Variants in HSF2BP observed in about 807,000 individuals in gnomAD.
HSF2BP encodes the protein heat shock factor 2-binding protein.
Under a neutral mutation model 35.0 loss-of-function variants are expected in HSF2BP, and 35 were observed. That is an observed-to-expected ratio of 1.00 (90% confidence interval 0.76 to 1.32). The LOEUF is 1.32. Ranked by LOEUF, HSF2BP falls within the 40% of genes most tolerant of loss-of-function variation. The pLI is 0.00. For missense variants in HSF2BP, 326 were observed against 321.7 expected (o/e 1.01, Z -0.10); for synonymous variants, 114 against 117.4 (o/e 0.97, Z 0.18).
At chr21:43,582,152 G>A (rs1299349965) in intron 8 of HSF2BP, among the ~76,000 whole-genome samples, 3 of 101,910 alleles carry the variant, frequency 2.9e-5, no homozygotes, top group South Asian at 4.0e-4. Flanking sequence ...CTGCTGTGGG[G>A]AATGAGGCCC....
chr21:43,584,961 C>T (rs1452029485), intron 8 of HSF2BP, among the ~76,000 whole-genome samples: 1 of 151,008 alleles, frequency 6.6e-6, no homozygotes, highest in Non-Finnish European at 1.5e-5. Flanking sequence ...CCCACTTTCA[C>T]TTGACTTTCA....
At chr21:43,624,525 G>A (rs564401060) in intron 6 of HSF2BP, among the ~76,000 whole-genome samples, 7 of 152,270 alleles carry the variant, frequency 4.6e-5, no homozygotes, top group South Asian at 2.1e-4. Context: ...TGGTGTGAGC[G>A]TGTGGAGGAG....
At chr21:43,644,241 C>T in intron 4 of HSF2BP, 48 bp downstream of exon 4, 1 of 1,407,970 alleles carries the variant, frequency 7.1e-7, no homozygotes, top group Non-Finnish European at 1.0e-6. Context: ...AGGCTGTAAG[C>T]CAGCCCCACT....
At chr21:43,614,029 C>G (rs1266751062) in intron 6 of HSF2BP, 82 bp from the exon 7 acceptor site, 21 of 937,070 alleles carry the variant, frequency 2.2e-5, no homozygotes, top group Non-Finnish European at 3.2e-5. Context: ...AGTATTTTCT[C>G]CTAAAAGACC....
At chr21:43,574,740 G>A (rs1465364975) in intron 8 of HSF2BP, among the ~76,000 whole-genome samples, 2 of 152,164 alleles carry the variant, frequency 1.3e-5, no homozygotes, top group African/African-American at 4.8e-5. Flanking sequence ...AGACCACAGG[G>A]CACACAGGGC....
chr21:43,579,263 T>C (rs978966409), intron 8 of HSF2BP, among the ~76,000 whole-genome samples: 1 of 152,242 alleles, frequency 6.6e-6, no homozygotes, highest in African/African-American at 2.4e-5. Flanking sequence ...AATGAGTTAA[T>C]GAAGAACATT....
Position 43,598,932 on chromosome 21 carries a change from C to G in HSF2BP, c.693-6604G>C, listed in dbSNP as rs540276383. Among the ~76,000 whole-genome samples the G allele has an allele frequency of 4.6e-5, 7 of 152,228 alleles. No homozygotes were observed. In the South Asian group the frequency reaches 1.5e-3, roughly 32 times the overall value. On this transcript the variant is annotated intron_variant, in intron 7 of 8. Transcript: ENST00000291560. ...GGCAGTAACAGCAGAACTGAGTCAC[C>G]GCAACAGAGATCGTACGACCCCAAG... is the stretch of plus-strand genomic sequence containing the variant.
intron 7 of HSF2BP, among the ~76,000 whole-genome samples, chr21:43,604,523 C>T (rs1331593926): frequency 1.4e-5 from 2 of 138,950 alleles, no homozygotes; most frequent in African/African-American, 2.9e-5. Flanking sequence ...ATACACACCC[C>T]ACACACACAC....
intron 7 of HSF2BP, among the ~76,000 whole-genome samples, chr21:43,592,740 C>T (rs979165798): frequency 6.6e-6 from 1 of 152,144 alleles, no homozygotes; most frequent in African/African-American, 2.4e-5. Flanking sequence ...ATGAACATTA[C>T]GCATGACATC....
rs9974356 is a variant in HSF2BP, at chr21:43,592,096, A to C, written c.796+129T>G. 0.014 allele frequency: 9,034 copies of C among 627,136 alleles called. 624 individuals carry two copies. The African/African-American group carries it at 0.15, about 10-fold the overall frequency. 38.8% of individuals were successfully genotyped at this position (627,136 alleles called of 1,614,324 possible). ...GTATGAATGTTTAAAAATATAGTAT[A>C]TAGAGAGGATTTGGTGCTATCTCTG... On this transcript the variant is annotated intron_variant, in intron 8 of 8. Transcript: ENST00000291560.
chr21:43,630,475 G>A, intron 5 of HSF2BP, 21 bp from the exon 6 acceptor site: 2 of 1,603,556 alleles, frequency 1.2e-6, no homozygotes, highest in Non-Finnish European at 8.5e-7. Context: ...GAAAATCAGA[G>A]TGTCATATCT....
intron 7 of HSF2BP, among the ~76,000 whole-genome samples, chr21:43,594,077 A>G (rs1048144457): frequency 6.6e-6 from 1 of 152,360 alleles, no homozygotes; most frequent in Non-Finnish European, 1.5e-5. Flanking sequence ...TAATTACACC[A>G]AAAGCTGGGC....
intron 6 of HSF2BP, among the ~76,000 whole-genome samples, chr21:43,626,173 C>T (rs1255611814): frequency 1.3e-5 from 2 of 152,098 alleles, no homozygotes; most frequent in East Asian, 3.8e-4. Context: ...CAGCATCCAC[C>T]CCGCAAGAAC....
chr21:43,648,175 T>C (rs1334436811), intron 3 of HSF2BP, among the ~76,000 whole-genome samples: 1 of 152,118 alleles, frequency 6.6e-6, no homozygotes, highest in Non-Finnish European at 1.5e-5. Context: ...TACTTTCCTA[T>C]GTTCTGGACA....
chr21:43,605,189 C>T (rs2082117178), intron 7 of HSF2BP, among the ~76,000 whole-genome samples: 1 of 150,042 alleles, frequency 6.7e-6, no homozygotes, highest in Non-Finnish European at 1.5e-5. Context: ...ATTGCCCCAG[C>T]CTTGGCTGAC....
Position 43,597,526 on chromosome 21 carries a change from C to CA in HSF2BP, c.693-5199_693-5198insT. ...TAATAAGCAAAACTTTAATTTTTTA[C>CA]TTTTTTTTCCTAGAGCTAGGGTCTC... On this transcript the variant is annotated intron_variant, in intron 7 of 8. Transcript: ENST00000291560. This position sits in a 1 kb window ranked among gnomAD's most constrained non-coding sequence, Gnocchi z 4.3. 6.6e-6 allele frequency among the ~76,000 whole-genome samples: 1 copy of CA among 151,980 alleles called. No individual in the cohort carries two copies. Among genetic ancestry groups the CA allele is most frequent in the East Asian group, 1.9e-4 (1 of 5,174 alleles).
At position 43,632,616 on chromosome 21, in the gene HSF2BP, C is replaced by T. The variant is rs139078938; in HGVS notation, c.441+656G>A. Among the ~76,000 whole-genome samples, 383 of 152,292 alleles carry T rather than the reference C, an allele frequency of 2.5e-3. 2 individuals are homozygous for T. The highest frequency in any genetic ancestry group is 8.2e-3 in the African/African-American group (340 of 41,552). On this transcript the variant is annotated intron_variant, in intron 5 of 8. Transcript: ENST00000291560. ...CCAGCCTCCCCTTCCACCTCCTCCA[C>T]CTCTACCACCCTTTAGACAGCAATG...
At chr21:43,616,877 G>A (rs1195955868) in intron 6 of HSF2BP, among the ~76,000 whole-genome samples, 2 of 151,574 alleles carry the variant, frequency 1.3e-5, no homozygotes, top group Non-Finnish European at 2.9e-5. Flanking sequence ...TTTGCAGTGA[G>A]CTGAGATCAC....
At position 43,629,174 on chromosome 21, in the gene HSF2BP, G is replaced by A. The variant is rs1196452482; in HGVS notation, c.574+1148C>T. ...TTTTTTAAGAACTACATTTCATAAC[G>A]CTACAGCTGCCATAGACAGTGATTC... On this transcript the variant is annotated intron_variant, in intron 6 of 8. Coordinates refer to ENST00000291560, the MANE Select transcript of HSF2BP (RefSeq NM_007031.2). Among the ~76,000 whole-genome samples the A allele has an allele frequency of 9.2e-5, 14 of 152,184 alleles. No homozygotes were observed. The East Asian group carries it at 2.3e-3, about 25-fold the overall frequency.
Sources: allele counts gnomAD v4.1 joint callset (sites outside exome capture counted in the v4.1 genomes callset), GRCh38; gene constraint gnomAD v4.1.1; non-coding constraint Gnocchi (gnomAD v3.1); transcripts MANE v1.5; gene names NCBI Gene and HGNC (gene_info 2026-07-23, HGNC 2026-07-21).